The following FAF2 variants were observed in gnomAD, a reference collection of about 807,000 sequenced individuals.
The protein encoded by FAF2 is Fas associated factor family member 2.
In FAF2, 9 loss-of-function variants were observed where a neutral mutation model predicts 62.3. The ratio of observed to expected loss-of-function variants is 0.14; its 90% CI spans 0.09 to 0.25. FAF2 has a LOEUF of 0.25. FAF2 is among the 10% of genes least tolerant of loss of function. The probability of loss-of-function intolerance (pLI) is 1.00; values close to 1 mark genes in which losing one functional copy is unlikely to be tolerated. For missense variants in FAF2, 368 were observed against 556.2 expected, an observed-to-expected ratio of 0.66 and a Z score of 3.40; for synonymous variants, 202 against 198.0, an observed-to-expected ratio of 1.02 and a Z score of -0.17.
At chr5:176,496,421 A>G in intron 7 of FAF2, 65 bp from the exon 8 acceptor site, 1 of 1,287,192 alleles carries the variant, frequency 7.8e-7, no homozygotes, top group Non-Finnish European at 1.0e-6. Context: ...TCATTGTGGA[A>G]AGTCTAAGGG....
chr5:176,488,053 G>A (rs1758904392), intron 3 of FAF2, among the ~76,000 whole-genome samples: 1 of 152,148 alleles, frequency 6.6e-6, no homozygotes, highest in Admixed American at 6.6e-5. Flanking sequence ...ATGTTGGCCA[G>A]GCTGGTCTCA....
At chr5:176,469,546 C>G (rs1758524299) in intron 1 of FAF2, among the ~76,000 whole-genome samples, 1 of 152,200 alleles carries the variant, frequency 6.6e-6, no homozygotes, top group South Asian at 2.1e-4. Flanking sequence ...ACATACTTAG[C>G]ATTTGACTTA....
intron 1 of FAF2, among the ~76,000 whole-genome samples, chr5:176,450,416 G>A (rs1172443637): frequency 6.6e-6 from 1 of 151,464 alleles, no homozygotes; most frequent in African/African-American, 2.5e-5. Flanking sequence ...AAGCTAACAT[G>A]TGGTTTAAGT....
In FAF2 at chr5:176,498,945, C is replaced by G. The variant is rs758111411; in HGVS notation, c.871C>G (p.Gln291Glu). Residue 291 changes from glutamine (Q) to glutamate (E), a missense_variant, in exon 9 of 11, where the codon CAA (glutamine) becomes GAA (glutamate). By Grantham distance (29) the Gln-to-Glu change is conservative. Coordinates refer to ENST00000261942, the MANE Select transcript of FAF2 (RefSeq NM_014613.3). ...AAGAAACCAGACCCAAGTGCTGAGA[C>G]AACAGCAGGATGAGGCCTACCTGGC... ...EERNQTQVLR[Q>E]QQDEAYLASL... The G allele has an allele frequency of 1.2e-6, 2 of 1,608,102 alleles. No homozygotes were observed. Among genetic ancestry groups the G allele is most frequent in the Non-Finnish European group, 1.7e-6 (2 of 1,176,504 alleles).
intron 1 of FAF2, among the ~76,000 whole-genome samples, chr5:176,464,025 G>A (rs2963659): frequency 0.03 from 4,582 of 152,154 alleles, 206 homozygotes; most frequent in African/African-American, 0.1. Flanking sequence ...CCACTGTGCC[G>A]GGCCTTAAAT....
chr5:176,462,117 A>G (rs1482567219), intron 1 of FAF2, among the ~76,000 whole-genome samples: 1 of 152,000 alleles, frequency 6.6e-6, no homozygotes, highest in East Asian at 1.9e-4. Flanking sequence ...TCTCTACTAA[A>G]AATACAAAAT....
In FAF2 at chr5:176,499,023, C is replaced by T. The variant is rs1385146386; in HGVS notation, c.949C>T (p.Arg317Cys). The change falls in exon 9 of 11, where the codon CGT becomes TGT. Residue 317 changes from arginine to cysteine, a missense_variant. Physicochemically the swap from Arg to Cys is radical, Grantham distance 180. This residue lies in a region of FAF2 where 331 missense variants were observed against 441.9 expected (regional missense o/e 0.75). Transcript: ENST00000261942. ...KERKKREERE[R>C]KRRKEEEVQQ... ...AAGAAAGAAACGGGAGGAGCGGGAG[C>T]GTAAGCGGCGGAAGGAGGAGGAGGT... 4 of 1,612,474 alleles carry T rather than the reference C, an allele frequency of 2.5e-6. No homozygotes were observed. The highest frequency in any genetic ancestry group is 2.2e-5 in the South Asian group (2 of 90,946).
rs1201497802 is a variant in FAF2 at position 176,508,528 on chromosome 5, G to A, written c.*1578G>A. ...TTACTATCCACTGCAGTCCTCAGTT[G>A]TTGGGGTAAATCCCACATGGCAGAG... On this transcript the variant is annotated 3_prime_UTR_variant, in exon 11 of 11. Transcript: ENST00000261942. 1 of 152,212 alleles carries A rather than the reference G, an allele frequency of 6.6e-6. No homozygotes were observed. Among genetic ancestry groups the A allele is most frequent in the African/African-American group, 2.4e-5 (1 of 41,430 alleles). The allele number at this position is 152,212 out of a possible 1,614,324, so 9.4% of individuals were successfully genotyped here.
At chr5:176,482,374 G>A (rs531017472) in intron 2 of FAF2, among the ~76,000 whole-genome samples, 9 of 151,846 alleles carry the variant, frequency 5.9e-5, no homozygotes, top group African/African-American at 1.9e-4. Context: ...TCCCATGCCC[G>A]GCTAATTTTT....
At chr5:176,464,181 C>G (rs1297666312) in intron 1 of FAF2, among the ~76,000 whole-genome samples, 1 of 152,038 alleles carries the variant, frequency 6.6e-6, no homozygotes. Context: ...GTCCTTAAGG[C>G]CTTAAGGCCT....
chr5:176,498,074 A>C (rs1452529774), intron 8 of FAF2, among the ~76,000 whole-genome samples: 2 of 152,198 alleles, frequency 1.3e-5, no homozygotes, highest in Non-Finnish European at 2.9e-5. Context: ...TTGAGGCTGC[A>C]GTGAGTCATG....
chr5:176,486,166 C>G (rs1758870456), intron 2 of FAF2, among the ~76,000 whole-genome samples, 189 bp from the exon 3 acceptor site: 1 of 152,214 alleles, frequency 6.6e-6, no homozygotes, highest in Non-Finnish European at 1.5e-5. Flanking sequence ...TGGATGCATT[C>G]TGGAGTGACA....
chr5:176,451,871 C>CATATATATAT (rs1561813588), intron 1 of FAF2, among the ~76,000 whole-genome samples: 1 of 26,386 alleles, frequency 3.8e-5, no homozygotes, highest in East Asian at 8.5e-4. Context: ...TATATATATA[C>CATATATATAT]ACACATATAT....
intron 5 of FAF2, 62 bp downstream of exon 5, chr5:176,492,394 C>T: frequency 6.7e-7 from 1 of 1,487,230 alleles, no homozygotes. Context: ...CAAAGGAGAG[C>T]ACAGCCCAGC....
intron 1 of FAF2, among the ~76,000 whole-genome samples, chr5:176,463,693 G>A (rs1385761995): frequency 2.7e-5 from 4 of 150,592 alleles, no homozygotes; most frequent in Admixed American, 1.3e-4. Context: ...AAGCTAGTGC[G>A]TGGTAGAATT....
At chr5:176,471,907 C>T (rs1758577342) in intron 1 of FAF2, among the ~76,000 whole-genome samples, 1 of 150,666 alleles carries the variant, frequency 6.6e-6, no homozygotes, top group South Asian at 2.1e-4. Context: ...GTCACAAATT[C>T]CTAACCTCGT....
intron 2 of FAF2, among the ~76,000 whole-genome samples, chr5:176,482,568 G>C (rs1472789887): frequency 6.6e-6 from 1 of 152,084 alleles, no homozygotes; most frequent in African/African-American, 2.4e-5. Context: ...GAGTACAGTG[G>C]TACTATTATG....
At chr5:176,466,293 T>C (rs1178814636) in intron 1 of FAF2, among the ~76,000 whole-genome samples, 2 of 152,246 alleles carry the variant, frequency 1.3e-5, no homozygotes, top group African/African-American at 4.8e-5. Context: ...AGCAAAGCTG[T>C]CTGTGTGGTC....
intron 1 of FAF2, among the ~76,000 whole-genome samples, chr5:176,478,255 T>C (rs1758735854): frequency 6.6e-6 from 1 of 152,090 alleles, no homozygotes; most frequent in Non-Finnish European, 1.5e-5. Context: ...GGCAAGAGGA[T>C]TGCTTGAGCC....
Sources: gnomAD v4.1 joint callset for allele counts (sites outside exome capture counted in the v4.1 genomes callset) on GRCh38, gnomAD v4.1.1 for gene constraint, gnomAD v4.1.1 regional missense constraint, MANE v1.5 for transcripts, NCBI Gene and HGNC (gene_info 2026-07-23, HGNC 2026-07-21) for gene names.